Variants in FMNL2 observed in about 807,000 individuals in gnomAD.
FMNL2 encodes formin-like protein 2.
In FMNL2, 51 loss-of-function variants were observed where a neutral mutation model predicts 130.2. The observed-to-expected ratio is 0.39, with a 90% CI of 0.31 to 0.49. The LOEUF (loss-of-function observed/expected upper bound fraction) is 0.49, where lower values mean the gene tolerates loss of function less well. Ranked by LOEUF, FMNL2 falls within the 20% of genes least tolerant of loss-of-function variation. FMNL2 has a pLI of 0.85. For missense variants in FMNL2, 977 were observed against 1,316.2 expected (o/e 0.74, Z 3.99); for synonymous variants, 465 against 467.1 (o/e 1.00, Z 0.06).
At chr2:152,531,641 A>C (rs565817885) in intron 2 of FMNL2, among the ~76,000 whole-genome samples, 1 of 151,962 alleles carries the variant, frequency 6.6e-6, no homozygotes, top group South Asian at 2.1e-4. Flanking sequence ...ACGCCCAGCT[A>C]ATTTTTGTAT....
At chr2:152,556,689 A>C (rs1395134435) in intron 4 of FMNL2, among the ~76,000 whole-genome samples, 2 of 152,154 alleles carry the variant, frequency 1.3e-5, no homozygotes, top group Non-Finnish European at 2.9e-5. Context: ...AGTGAGATGG[A>C]GGTGCCTGCC....
intron 1 of FMNL2, among the ~76,000 whole-genome samples, chr2:152,376,260 G>A (rs962082542): frequency 2.6e-5 from 4 of 152,154 alleles, no homozygotes; most frequent in Admixed American, 2.6e-4. Context: ...TCATCAGTTG[G>A]TGGACGTTTA....
chr2:152,390,420 G>A, intron 1 of FMNL2: 1 of 1,137,288 alleles, frequency 8.8e-7, no homozygotes, highest in Middle Eastern at 2.3e-4. Context: ...GGTGTCCAGT[G>A]ACCCTAAGAT....
chr2:152,338,492 TC>T (rs1681605367), intron 1 of FMNL2, among the ~76,000 whole-genome samples: 1 of 152,110 alleles, frequency 6.6e-6, no homozygotes, highest in Admixed American at 6.6e-5. Flanking sequence ...ATACCCTCCC[TC>T]CCCATCAGTT....
At chr2:152,346,720 A>T (rs7587658) in intron 1 of FMNL2, among the ~76,000 whole-genome samples, 1 of 152,182 alleles carries the variant, frequency 6.6e-6, no homozygotes, top group Non-Finnish European at 1.5e-5. Flanking sequence ...TAATGGAGAA[A>T]TTTAAAAATT....
Position 152,605,131 on chromosome 2 carries a change from A to C in FMNL2, c.877-2208A>C, listed in dbSNP as rs576196347. Among the ~76,000 whole-genome samples the C allele has an allele frequency of 1.6e-3, 239 of 151,982 alleles. 1 individual carries two copies. Among genetic ancestry groups the C allele is most frequent in the African/African-American group, 5.6e-3 (233 of 41,428 alleles). The stretch of plus-strand genomic sequence containing the variant: ...GATTGTCTAGGGGGGCCAGCTGAGG[A>C]GGGGGGCAGAACATGGTAACCCCTT... On this transcript the variant is annotated intron_variant, in intron 9 of 25. Transcript: ENST00000288670.
intron 1 of FMNL2, among the ~76,000 whole-genome samples, chr2:152,404,310 CA>C (rs2105974356): frequency 6.6e-6 from 1 of 152,254 alleles, no homozygotes; most frequent in Admixed American, 6.5e-5. Context: ...CCTACATAAA[CA>C]TTTTGTTTTT....
intron 1 of FMNL2, among the ~76,000 whole-genome samples, chr2:152,373,715 A>AT (rs36050189): frequency 0.5 from 74,990 of 149,190 alleles, 19,578 homozygotes; most frequent in Non-Finnish European, 0.59. Flanking sequence ...CCTTGTGGAA[A>AT]TTTTTTTTTT....
At chr2:152,489,271 A>T (rs1335204287) in intron 1 of FMNL2, among the ~76,000 whole-genome samples, 2 of 152,258 alleles carry the variant, frequency 1.3e-5, no homozygotes, top group East Asian at 3.8e-4. Flanking sequence ...GGGAAAGGCA[A>T]CACCTATAAC....
At chr2:152,549,178 G>A in intron 4 of FMNL2, 81 bp downstream of exon 4, 1 of 932,288 alleles carries the variant, frequency 1.1e-6, no homozygotes, top group Non-Finnish European at 1.6e-6. Flanking sequence ...AAAGAATTGA[G>A]CTTCCTTATG....
intron 1 of FMNL2, among the ~76,000 whole-genome samples, chr2:152,454,191 C>T (rs550419731): frequency 6.6e-6 from 1 of 152,196 alleles, no homozygotes; most frequent in East Asian, 1.9e-4. Flanking sequence ...ACAGGAGAAT[C>T]ACTTGAATTT....
At chr2:152,337,268 C>G (rs1257131839) in intron 1 of FMNL2, among the ~76,000 whole-genome samples, 3 of 152,176 alleles carry the variant, frequency 2.0e-5, no homozygotes, top group Admixed American at 2.0e-4. Flanking sequence ...ACCTGCTTTT[C>G]CAGAGACAAA....
At chr2:152,614,632 A>G (rs146850033) in intron 11 of FMNL2, among the ~76,000 whole-genome samples, 1 of 152,260 alleles carries the variant, frequency 6.6e-6, no homozygotes, top group African/African-American at 2.4e-5. Context: ...AATCCCAGCT[A>G]CTTGGGAGGC....
chr2:152,437,034 A>G (rs1299871713), intron 1 of FMNL2, among the ~76,000 whole-genome samples: 3 of 152,216 alleles, frequency 2.0e-5, no homozygotes, highest in Non-Finnish European at 4.4e-5. Flanking sequence ...GGTATGCTTC[A>G]TGGTTTGCAG....
At position 152,648,558 on chromosome 2, in the gene FMNL2, T is replaced by G. The variant is rs571432682; in HGVS notation, c.*653T>G. The G allele has an allele frequency of 6.6e-6, 1 of 152,644 alleles. No homozygotes were observed. The highest frequency in any genetic ancestry group is 1.5e-5 in the Non-Finnish European group (1 of 68,070). The allele number at this position is 152,644 out of a possible 1,614,324, so 9.5% of individuals were successfully genotyped here. On this transcript the variant is annotated 3_prime_UTR_variant, in exon 26 of 26. Coordinates refer to ENST00000288670, the MANE Select transcript of FMNL2 (RefSeq NM_052905.4). ...GTGGGGATATAGTGTATAAGACTTA[T>G]TTGCAGTACTGTGTTCTTCAGCTAG...
At chr2:152,365,634 G>A (rs552894986) in intron 1 of FMNL2, among the ~76,000 whole-genome samples, 17 of 152,208 alleles carry the variant, frequency 1.1e-4, no homozygotes, top group Non-Finnish European at 1.5e-4. Context: ...TTAGCTGGGT[G>A]TGGTGGTGGA....
At chr2:152,487,872 C>G (rs896404506) in intron 1 of FMNL2, among the ~76,000 whole-genome samples, 12 of 151,814 alleles carry the variant, frequency 7.9e-5, no homozygotes, top group African/African-American at 2.9e-4. Context: ...ACTGCAACCT[C>G]CATCTCCTGG....
intron 1 of FMNL2, among the ~76,000 whole-genome samples, chr2:152,442,345 G>A (rs934652676): frequency 4.6e-5 from 7 of 151,490 alleles, no homozygotes; most frequent in South Asian, 2.1e-4. Context: ...TCCTTCTCCC[G>A]GGTTTAAGTG....
At chr2:152,529,761 A>G (rs2105437659) in intron 2 of FMNL2, among the ~76,000 whole-genome samples, 1 of 152,270 alleles carries the variant, frequency 6.6e-6, no homozygotes, top group South Asian at 2.1e-4. Flanking sequence ...CAGAGATTGG[A>G]GTCAGGGGAG....
Sources: gnomAD v4.1 joint callset for allele counts (sites outside exome capture counted in the v4.1 genomes callset) on GRCh38, gnomAD v4.1.1 for gene constraint, MANE v1.5 for transcripts, NCBI Gene and HGNC (gene_info 2026-07-23, HGNC 2026-07-21) for gene names.